SDK1: variants seen among roughly 807,000 people sequenced by gnomAD.
The protein encoded by SDK1 is protein sidekick-1.
A neutral mutation model predicts 245.5 loss-of-function variants in SDK1; 157 were observed. The observed-to-expected ratio is 0.64, with a 90% CI of 0.56 to 0.73. The LOEUF (loss-of-function observed/expected upper bound fraction) is 0.73. Among genes scored for constraint, SDK1 ranks in the 30% least tolerant of loss-of-function variants. The pLI, the probability that SDK1 is intolerant of heterozygous loss-of-function variation, is 0.00. For missense variants in SDK1, 3,583 were observed against 3,002.3 expected (o/e 1.19, Z -4.52); for synonymous variants, 1,647 against 1,278.5 (o/e 1.29, Z -6.15).
chr7:3,950,544 C>G (rs779732280), intron 5 of SDK1, among the ~76,000 whole-genome samples: 6 of 152,150 alleles, frequency 3.9e-5, no homozygotes, highest in Non-Finnish European at 7.3e-5. Context: ...TAGTCAGTCT[C>G]TTAGTGTGCC....
At chr7:4,008,405 C>T (rs1049978897) in intron 14 of SDK1, among the ~76,000 whole-genome samples, 6 of 152,358 alleles carry the variant, frequency 3.9e-5, no homozygotes, top group Non-Finnish European at 5.9e-5. Flanking sequence ...GCCTCCTTGG[C>T]CAGTCGCCAT....
At chr7:3,547,025 A>G (rs760426601) in intron 1 of SDK1, among the ~76,000 whole-genome samples, 12 of 152,200 alleles carry the variant, frequency 7.9e-5, no homozygotes, top group Non-Finnish European at 1.5e-4. Context: ...TTTAATCTTA[A>G]GATTAAAAAA....
At chr7:3,848,679 T>C (rs757912411) in intron 5 of SDK1, among the ~76,000 whole-genome samples, 2 of 152,058 alleles carry the variant, frequency 1.3e-5, no homozygotes, top group Non-Finnish European at 2.9e-5. Flanking sequence ...CTTTTCTTTT[T>C]TTTTTTTCTG....
chr7:4,243,128 G>A (rs1277885092), intron 43 of SDK1, among the ~76,000 whole-genome samples: 1 of 152,220 alleles, frequency 6.6e-6, no homozygotes, highest in Non-Finnish European at 1.5e-5. Flanking sequence ...TTGTCACAGA[G>A]AATTTTAAGA....
intron 5 of SDK1, among the ~76,000 whole-genome samples, chr7:3,902,510 G>A (rs994622746): frequency 1.3e-5 from 2 of 152,148 alleles, no homozygotes; most frequent in African/African-American, 4.8e-5. Context: ...GTCAGATATT[G>A]AGTTCTAAAC....
intron 4 of SDK1, among the ~76,000 whole-genome samples, chr7:3,673,796 G>A (rs926212790): frequency 8.5e-5 from 13 of 152,098 alleles, no homozygotes; most frequent in Admixed American, 3.9e-4. Context: ...TTCCAAGGGC[G>A]GAAGACATAC....
rs1183786629 is a variant in SDK1 at position 4,175,849 on chromosome 7, A to C, written c.4996+15A>C. On this transcript the variant is annotated intron_variant, in intron 34 of 44. Transcript: ENST00000404826. ...TGAACTAACACGTAAGTGCGCTCTC[A>C]GCGGGAGGCCCATGCCGCGAGGCGC... is the stretch of plus-strand genomic sequence containing the variant. 5 of 1,609,792 alleles carry C rather than the reference A, an allele frequency of 3.1e-6. No individual in the cohort carries two copies. The highest frequency in any genetic ancestry group is 4.2e-6 in the Non-Finnish European group (5 of 1,177,646).
intron 10 of SDK1, among the ~76,000 whole-genome samples, chr7:3,969,028 A>T (rs1458705927): frequency 6.6e-6 from 1 of 152,168 alleles, no homozygotes; most frequent in Non-Finnish European, 1.5e-5. Context: ...AAACCATCAG[A>T]TCTCATGAGA....
intron 1 of SDK1, among the ~76,000 whole-genome samples, chr7:3,524,334 G>A (rs960228464): frequency 4.6e-5 from 7 of 152,114 alleles, no homozygotes; most frequent in Admixed American, 6.5e-5. Context: ...CTGTGGTTGC[G>A]GTGTTGAGAA....
intron 1 of SDK1, among the ~76,000 whole-genome samples, chr7:3,497,681 A>C (rs985332003): frequency 6.6e-6 from 1 of 152,240 alleles, no homozygotes; most frequent in South Asian, 2.1e-4. Flanking sequence ...ATGGAGTAAA[A>C]GAGGTTTAAA....
At chr7:3,446,523 A>G (rs1345349025) in intron 1 of SDK1, among the ~76,000 whole-genome samples, 6 of 152,180 alleles carry the variant, frequency 3.9e-5, no homozygotes, top group Non-Finnish European at 1.5e-5. Context: ...GACACTGTGT[A>G]AGAGCCACGA....
intron 25 of SDK1, among the ~76,000 whole-genome samples, chr7:4,122,362 A>G (rs1419764475): frequency 6.6e-6 from 1 of 152,138 alleles, no homozygotes; most frequent in Non-Finnish European, 1.5e-5. Context: ...GCCAGGGCTG[A>G]ATGGTGAGTG....
At chr7:3,883,579 A>G (rs1781258889) in intron 5 of SDK1, among the ~76,000 whole-genome samples, 1 of 152,190 alleles carries the variant, frequency 6.6e-6, no homozygotes, top group Non-Finnish European at 1.5e-5. Context: ...TTTGAGCTTA[A>G]ATAGTCCTGG....
At chr7:3,752,372 C>G (rs1379313233) in intron 4 of SDK1, among the ~76,000 whole-genome samples, 1 of 152,152 alleles carries the variant, frequency 6.6e-6, no homozygotes, top group Admixed American at 6.5e-5. Context: ...TACATAATTA[C>G]TATTCTGCAA....
At chr7:3,773,005 C>T (rs914116519) in intron 4 of SDK1, among the ~76,000 whole-genome samples, 4 of 152,154 alleles carry the variant, frequency 2.6e-5, no homozygotes, top group South Asian at 4.1e-4. Context: ...TTAATTACAA[C>T]GTGTCTCAAT....
At chr7:3,623,679 G>C (rs189933221) in intron 2 of SDK1, among the ~76,000 whole-genome samples, 1 of 152,052 alleles carries the variant, frequency 6.6e-6, no homozygotes, top group African/African-American at 2.4e-5. Context: ...TTTCCAGAAA[G>C]CATTTAGTCT....
intron 44 of SDK1, among the ~76,000 whole-genome samples, chr7:4,246,243 G>C (rs938652337): frequency 1.3e-5 from 2 of 152,164 alleles, no homozygotes; most frequent in Non-Finnish European, 2.9e-5. Flanking sequence ...CAGAGTGTGG[G>C]TGTTGCCTGG....
chr7:3,965,368 C>T (rs1197366543), intron 9 of SDK1, among the ~76,000 whole-genome samples: 3 of 152,286 alleles, frequency 2.0e-5, no homozygotes, highest in Middle Eastern at 3.4e-3. Flanking sequence ...ATAGGATTCT[C>T]ATGAGGGTCA....
chr7:4,084,136 G>T (rs909103511), intron 22 of SDK1, among the ~76,000 whole-genome samples: 1 of 152,174 alleles, frequency 6.6e-6, no homozygotes, highest in African/African-American at 2.4e-5. Context: ...TCATCCCTCA[G>T]ACTATTTAGT....
Sources: gnomAD v4.1 joint callset for allele counts (sites outside exome capture counted in the v4.1 genomes callset) on GRCh38, gnomAD v4.1.1 for gene constraint, MANE v1.5 for transcripts, NCBI Gene and HGNC (gene_info 2026-07-23, HGNC 2026-07-21) for gene names.